The following WDR49 variants were observed in gnomAD, a reference collection of about 807,000 sequenced individuals.
The protein encoded by WDR49 is WD repeat domain 49.
Under a neutral mutation model 119.5 loss-of-function variants are expected in WDR49, and 107 were observed. The observed-to-expected ratio is 0.90, with a 90% CI of 0.77 to 1.05. The LOEUF is 1.05. WDR49 is among the 50% of genes least tolerant of loss of function. The probability of loss-of-function intolerance (pLI) is 0.00; values close to 1 mark genes in which losing one functional copy is unlikely to be tolerated. For synonymous variants in WDR49, 425 were observed against 418.8 expected (o/e 1.01, Z -0.18); for missense variants, 1,240 against 1,220.5 (o/e 1.02, Z -0.24).
intron 11 of WDR49, among the ~76,000 whole-genome samples, chr3:167,535,493 T>G (rs967149957): frequency 6.6e-6 from 1 of 152,088 alleles, no homozygotes; most frequent in South Asian, 2.1e-4. Context: ...GAAAAAATGT[T>G]CAACATCACT....
chr3:167,481,204 A>G (rs1397663557), intron 18 of WDR49, among the ~76,000 whole-genome samples: 1 of 152,246 alleles, frequency 6.6e-6, no homozygotes, highest in Admixed American at 6.5e-5. Flanking sequence ...AAACTAATCA[A>G]TACATGAGCC....
At chr3:167,591,427 T>C (rs541355844) in intron 7 of WDR49, among the ~76,000 whole-genome samples, 3 of 152,246 alleles carry the variant, frequency 2.0e-5, no homozygotes, top group Admixed American at 2.0e-4. Context: ...GTCCATTTCT[T>C]CTATAGTGCA....
chr3:167,503,237 C>G (rs1038900541), intron 17 of WDR49, among the ~76,000 whole-genome samples: 1 of 152,176 alleles, frequency 6.6e-6, no homozygotes, highest in Non-Finnish European at 1.5e-5. Flanking sequence ...AATCTCACCT[C>G]GATTTCAGAG....
intron 18 of WDR49, among the ~76,000 whole-genome samples, chr3:167,492,643 A>G (rs1443804444): frequency 1.3e-5 from 2 of 152,144 alleles, no homozygotes; most frequent in African/African-American, 2.4e-5. Context: ...ATGATAACTA[A>G]GATGAAGCCT....
chr3:167,613,114 T>A (rs1005920921), intron 5 of WDR49, among the ~76,000 whole-genome samples: 11 of 152,200 alleles, frequency 7.2e-5, no homozygotes, highest in African/African-American at 2.7e-4. Context: ...CCCCAGGTTG[T>A]ACTTATTTCA....
intron 8 of WDR49, among the ~76,000 whole-genome samples, chr3:167,562,183 T>C (rs1713305890): frequency 6.6e-6 from 1 of 152,182 alleles, no homozygotes; most frequent in Non-Finnish European, 1.5e-5. Context: ...TTATTGTTCT[T>C]AATAAGGAAA....
chr3:167,590,395 T>A (rs1376168875), intron 7 of WDR49, among the ~76,000 whole-genome samples: 1 of 152,106 alleles, frequency 6.6e-6, no homozygotes. Flanking sequence ...GGTTTCGGTA[T>A]CAGGGTAATA....
chr3:167,526,705 T>G (rs529461721), intron 15 of WDR49, among the ~76,000 whole-genome samples: 3 of 152,288 alleles, frequency 2.0e-5, no homozygotes, highest in African/African-American at 7.2e-5. Flanking sequence ...CCAGATGATT[T>G]TCTGATTTAC....
At chr3:167,621,203 G>A (rs1030047337) in intron 4 of WDR49, among the ~76,000 whole-genome samples, 4 of 151,866 alleles carry the variant, frequency 2.6e-5, no homozygotes, top group Non-Finnish European at 1.5e-5. Flanking sequence ...GGTGAAAAAG[G>A]TTAGCAAGAT....
At chr3:167,607,360 T>G (rs565019121) in intron 5 of WDR49, among the ~76,000 whole-genome samples, 2 of 152,300 alleles carry the variant, frequency 1.3e-5, no homozygotes, top group East Asian at 3.9e-4. Flanking sequence ...GGTATCACTT[T>G]CTGAGCCCCA....
chr3:167,523,314 C>T (rs1373125722), intron 15 of WDR49, among the ~76,000 whole-genome samples: 2 of 151,034 alleles, frequency 1.3e-5, no homozygotes, highest in African/African-American at 2.4e-5. Flanking sequence ...AATTCAGAGA[C>T]TATACTGAAT....
At chr3:167,636,122 T>C (rs2108335335) in intron 2 of WDR49, among the ~76,000 whole-genome samples, 1 of 151,706 alleles carries the variant, frequency 6.6e-6, no homozygotes, top group Middle Eastern at 3.4e-3. Context: ...CCCTTCCCAC[T>C]ATTTTTCCCT....
chr3:167,608,766 T>A (rs1330040892), intron 5 of WDR49, among the ~76,000 whole-genome samples: 4 of 152,330 alleles, frequency 2.6e-5, no homozygotes, highest in Middle Eastern at 3.4e-3. Context: ...AATAAATGAT[T>A]TCTTGTTAAT....
At position 167,502,336 on chromosome 3, in the gene WDR49, G is replaced by A. The variant is rs567383668; in HGVS notation, c.2885-2037C>T. ...TACCCAATATCAGACATTTCTTTAC[G>A]GCAATGCAAAAATGGCCTGACACAG... On this transcript the variant is annotated intron_variant, in intron 17 of 18. Coordinates refer to ENST00000682715, the MANE Select transcript of WDR49 (RefSeq NM_001366157.1). Among the ~76,000 whole-genome samples the A allele has an allele frequency of 2.4e-4, 37 of 152,178 alleles. 1 individual carries two copies. The South Asian group carries it at 5.2e-3, about 21-fold the overall frequency.
rs780875786 is a variant in WDR49 at position 167,529,018 on chromosome 3, C to A, written c.2406+34G>T. On this transcript the variant is annotated intron_variant, in intron 14 of 18. Transcript: ENST00000682715. ...CCTGCAACAAAGGGTCACCAAAAAT[C>A]TTAAAGGTAATGTGATAATGTTTTT... is the stretch of plus-strand genomic sequence containing the variant. 1.0e-5 allele frequency: 15 copies of A among 1,490,194 alleles called. No homozygotes were observed. The East Asian group carries it at 3.6e-4, about 35-fold the overall frequency. 92.3% of individuals were successfully genotyped at this position (1,490,194 alleles called of 1,614,324 possible).
intron 2 of WDR49, among the ~76,000 whole-genome samples, chr3:167,629,027 G>A (rs886456081): frequency 5.3e-5 from 8 of 152,218 alleles, no homozygotes; most frequent in Middle Eastern, 6.8e-3. Context: ...GGAGACTGAA[G>A]GGGAGGATTG....
At chr3:167,545,353 C>A (rs183225149) in intron 10 of WDR49, among the ~76,000 whole-genome samples, 1 of 151,282 alleles carries the variant, frequency 6.6e-6, no homozygotes, top group African/African-American at 2.4e-5. Context: ...GGGTATCTCC[C>A]CAGACAAAAA....
At chr3:167,642,743 T>A (rs968904899) in intron 2 of WDR49, among the ~76,000 whole-genome samples, 1 of 151,922 alleles carries the variant, frequency 6.6e-6, no homozygotes, top group Non-Finnish European at 1.5e-5. Context: ...TGGTTCCAGG[T>A]CTTGGGCACA....
chr3:167,614,754 T>A (rs1426419733), intron 5 of WDR49, among the ~76,000 whole-genome samples: 1 of 152,250 alleles, frequency 6.6e-6, no homozygotes, highest in Non-Finnish European at 1.5e-5. Context: ...TCAATAAAAA[T>A]TATTATCATA....
Sources: gnomAD v4.1 joint callset for allele counts (sites outside exome capture counted in the v4.1 genomes callset) on GRCh38, gnomAD v4.1.1 for gene constraint, MANE v1.5 for transcripts, NCBI Gene and HGNC (gene_info 2026-07-23, HGNC 2026-07-21) for gene names.